CBFB: variants seen among roughly 807,000 people sequenced by gnomAD.
The protein encoded by CBFB is CBF-beta.
In CBFB, 9 loss-of-function variants were observed where a neutral mutation model predicts 30.4. The observed-to-expected ratio is 0.30, with a 90% CI of 0.18 to 0.52. CBFB has a LOEUF of 0.52. CBFB is among the 20% of genes least tolerant of loss of function. The pLI, the probability that CBFB is intolerant of heterozygous loss-of-function variation, is 0.97. For missense variants in CBFB, 170 were observed against 244.0 expected, an observed-to-expected ratio of 0.70 and a Z score of 2.02; for synonymous variants, 94 against 84.0, an observed-to-expected ratio of 1.12 and a Z score of -0.65.
At position 67,029,202 on chromosome 16, in the gene CBFB, G is replaced by T. The variant is rs1233535398; in HGVS notation, c.-206G>T. On this transcript the variant is annotated 5_prime_UTR_variant, in exon 1 of 6. Transcript: ENST00000412916. ...GGCAACGGCTGAGGCGGCGGCGGCG[G>T]CGGCGGCGGCGTGGGTTGGGCTCGA... The T allele has an allele frequency of 8.8e-6, 2 of 228,368 alleles. No homozygotes were observed. The highest frequency in any genetic ancestry group is 1.6e-5 in the Non-Finnish European group (2 of 124,370). 14.1% of individuals were successfully genotyped at this position (228,368 alleles called of 1,614,324 possible). A position where few individuals can be genotyped will look rare whatever the true frequency, so the allele number is the denominator to read the frequency against.
intron 3 of CBFB, among the ~76,000 whole-genome samples, chr16:67,058,102 A>G (rs989455624): frequency 1.3e-5 from 2 of 152,150 alleles, no homozygotes; most frequent in Non-Finnish European, 2.9e-5. Flanking sequence ...AGTCATGAAT[A>G]TGACATCACA....
chr16:67,075,865 C>G (rs1961381943), intron 4 of CBFB, among the ~76,000 whole-genome samples: 1 of 152,100 alleles, frequency 6.6e-6, no homozygotes, highest in Non-Finnish European at 1.5e-5. Context: ...AATCCCAGCG[C>G]TTTGGGAGGC....
intron 5 of CBFB, among the ~76,000 whole-genome samples, chr16:67,084,165 CAAAAAAAAA>C (rs368748767): frequency 9.2e-5 from 5 of 54,328 alleles, no homozygotes; most frequent in East Asian, 5.3e-4. Flanking sequence ...GACCCTACCT[CAAAAAAAAA>C]AAAAAAAAAA....
intron 3 of CBFB, among the ~76,000 whole-genome samples, chr16:67,051,008 ATTGT>A (rs978582497): frequency 2.0e-5 from 3 of 152,092 alleles, no homozygotes; most frequent in African/African-American, 4.8e-5. Context: ...AAACTTATGA[ATTGT>A]TTATTTCTGG....
At chr16:67,041,335 A>G (rs115955409) in intron 3 of CBFB, among the ~76,000 whole-genome samples, 6 of 152,336 alleles carry the variant, frequency 3.9e-5, no homozygotes, top group African/African-American at 9.6e-5. Context: ...GCAAAAGTGA[A>G]GCAGGCTATT....
intron 5 of CBFB, among the ~76,000 whole-genome samples, chr16:67,082,974 G>A (rs1961611115): frequency 6.6e-6 from 1 of 152,050 alleles, no homozygotes. Context: ...CCACGGTTTG[G>A]TCAAAAAATA....
intron 1 of CBFB, 69 bp from the exon 2 acceptor site, chr16:67,029,658 G>C (rs1200872351): frequency 1.4e-6 from 2 of 1,438,012 alleles, no homozygotes; most frequent in Non-Finnish European, 1.9e-6. Flanking sequence ...TCGGCGCTGC[G>C]CTGGGAGGGC....
chr16:67,085,556 G>A (rs1214550826), intron 5 of CBFB, among the ~76,000 whole-genome samples: 1 of 151,052 alleles, frequency 6.6e-6, no homozygotes, highest in Non-Finnish European at 1.5e-5. Flanking sequence ...GTGCAGTGGT[G>A]TGAACATGAT....
chr16:67,082,616 A>T (rs1196858151), intron 5 of CBFB, among the ~76,000 whole-genome samples: 1 of 152,104 alleles, frequency 6.6e-6, no homozygotes, highest in Non-Finnish European at 1.5e-5. Flanking sequence ...TTTTCAAATT[A>T]TTTGTAAAAA....
At position 67,055,357 on chromosome 16, in the gene CBFB, C is replaced by CTTTTTTTTTTTTTTTTTTTT. The variant is rs1163773529; in HGVS notation, c.283-11317_283-11298dup. ...AAATCTATTGAATTCCAGACACTTT[C>CTTTTTTTTTTTTTTTTTTTT]TTTTTTTTTTTTTTTTTTTTTTTTT... On this transcript the variant is annotated intron_variant, in intron 3 of 5. Coordinates refer to ENST00000412916, the MANE Select transcript of CBFB (RefSeq NM_022845.3). Among the ~76,000 whole-genome samples the CTTTTTTTTTTTTTTTTTTTT allele has an allele frequency of 1.8e-4, 15 of 81,466 alleles. 2 individuals carry two copies. Among genetic ancestry groups the CTTTTTTTTTTTTTTTTTTTT allele is most frequent in the African/African-American group, 3.3e-4 (6 of 18,444 alleles). 53.4% of individuals were successfully genotyped at this position (81,466 alleles called of 152,430 possible).
At chr16:67,089,994 T>C (rs895848415) in intron 5 of CBFB, among the ~76,000 whole-genome samples, 24 of 152,220 alleles carry the variant, frequency 1.6e-4, no homozygotes, top group African/African-American at 5.8e-4. Context: ...CTTTAGACTA[T>C]GAAAGTCGAA....
intron 2 of CBFB, among the ~76,000 whole-genome samples, chr16:67,031,233 AT>A: frequency 6.6e-6 from 1 of 152,370 alleles, no homozygotes; most frequent in Middle Eastern, 3.4e-3. Context: ...ATATTTGGTC[AT>A]TAGTGCATGT....
At chr16:67,098,610 TATG>T (rs2145790850) in intron 5 of CBFB, 97 bp from the exon 6 acceptor site, 1 of 645,688 alleles carries the variant, frequency 1.5e-6, no homozygotes, top group South Asian at 2.1e-5. Flanking sequence ...ACTTTTTAGT[TATG>T]AAGTTTTTCT....
At chr16:67,049,812 C>T (rs925455950) in intron 3 of CBFB, among the ~76,000 whole-genome samples, 2 of 152,036 alleles carry the variant, frequency 1.3e-5, no homozygotes, top group Non-Finnish European at 2.9e-5. Context: ...TCACTACCAC[C>T]GGACACTGTG....
rs1465648059 is a variant in CBFB at position 67,099,019 on chromosome 16, C to T, written c.*241C>T. ...ATTTGAAGTTTTTTTTCTATGCAAG[C>T]TTACCTTGTTGGCATTATTTTAGGG... On this transcript the variant is annotated 3_prime_UTR_variant, in exon 6 of 6. Coordinates refer to ENST00000412916, the MANE Select transcript of CBFB (RefSeq NM_022845.3). 2 of 398,492 alleles carry T rather than the reference C, an allele frequency of 5.0e-6. No homozygotes were observed. Among genetic ancestry groups the T allele is most frequent in the Non-Finnish European group, 8.9e-6 (2 of 225,300 alleles). 24.7% of individuals were successfully genotyped at this position (398,492 alleles called of 1,614,324 possible).
intron 4 of CBFB, among the ~76,000 whole-genome samples, chr16:67,075,197 ATGTGTGTGTGTGTGTG>A (rs57425666): frequency 2.1e-5 from 3 of 142,660 alleles, no homozygotes; most frequent in Admixed American, 1.4e-4. Flanking sequence ...CTCAAAAAAA[ATGTGTGTGTGTGTGTG>A]TGTGTGTGTG....
At chr16:67,069,758 T>A (rs1017777907) in intron 4 of CBFB, among the ~76,000 whole-genome samples, 1 of 152,184 alleles carries the variant, frequency 6.6e-6, no homozygotes, top group South Asian at 2.1e-4. Context: ...ACGGTAAGAT[T>A]AACAGCTGAC....
intron 1 of CBFB, 73 bp downstream of exon 1, chr16:67,029,558 C>A (rs1282168645): frequency 4.8e-6 from 7 of 1,460,876 alleles, no homozygotes; most frequent in Non-Finnish European, 6.5e-6. Context: ...AAAGTTTGGG[C>A]GGCACGGTCC....
At chr16:67,072,547 A>T (rs994965273) in intron 4 of CBFB, among the ~76,000 whole-genome samples, 2 of 150,976 alleles carry the variant, frequency 1.3e-5, no homozygotes, top group African/African-American at 4.9e-5. Context: ...GCTCACCTCA[A>T]CCTCCGCCTC....
Sources: gnomAD v4.1 joint callset for allele counts (sites outside exome capture counted in the v4.1 genomes callset) on GRCh38, gnomAD v4.1.1 for gene constraint, MANE v1.5 for transcripts, NCBI Gene and HGNC (gene_info 2026-07-23, HGNC 2026-07-21) for gene names.